The following UBOX5 variants were observed in gnomAD, a reference collection of about 807,000 sequenced individuals.
UBOX5 encodes the protein RING finger protein 37.
Under a neutral mutation model 39.0 loss-of-function variants are expected in UBOX5, and 28 were observed. The observed-to-expected ratio is 0.72, with a 90% CI of 0.53 to 0.98. The LOEUF (loss-of-function observed/expected upper bound fraction) is 0.98. Ranked by LOEUF, UBOX5 falls within the 50% of genes least tolerant of loss-of-function variation. The probability of loss-of-function intolerance (pLI) is 0.00; values close to 1 mark genes in which losing one functional copy is unlikely to be tolerated. For synonymous variants in UBOX5, 283 were observed against 275.5 expected (o/e 1.03, Z -0.27); for missense variants, 585 against 674.4 (o/e 0.87, Z 1.47).
At chr20:3,123,513 C>A (rs1231814216) in intron 1 of UBOX5, 107 bp from the exon 2 acceptor site, 3 of 719,286 alleles carry the variant, frequency 4.2e-6, no homozygotes, top group Non-Finnish European at 7.0e-6. Context: ...AAAACTTGAA[C>A]ACACACACTC....
intron 1 of UBOX5, among the ~76,000 whole-genome samples, chr20:3,157,043 G>T (rs371490512): frequency 6.6e-6 from 1 of 152,108 alleles, no homozygotes; most frequent in Admixed American, 6.5e-5. Context: ...GGCAGATCAC[G>T]TGAGGCCAGG....
At chr20:3,136,650 C>T (rs1267662804) in intron 1 of UBOX5, among the ~76,000 whole-genome samples, 7 of 151,040 alleles carry the variant, frequency 4.6e-5, no homozygotes, top group Non-Finnish European at 7.4e-5. Context: ...CCACTGTGCC[C>T]GGCCTTAATA....
At chr20:3,138,678 G>A (rs2066491067) in intron 1 of UBOX5, among the ~76,000 whole-genome samples, 1 of 152,204 alleles carries the variant, frequency 6.6e-6, no homozygotes, top group African/African-American at 2.4e-5. Context: ...ACTTGGAAGA[G>A]TTGGTTGCCC....
At chr20:3,112,919 T>C (rs559603606) in intron 4 of UBOX5, among the ~76,000 whole-genome samples, 2 of 151,654 alleles carry the variant, frequency 1.3e-5, no homozygotes, top group South Asian at 4.2e-4. Flanking sequence ...TGAGCCAGGA[T>C]TGTGCCACTG....
At position 3,159,843 on chromosome 20, in the gene UBOX5, C is replaced by A. The variant is rs553657959; in HGVS notation, c.-119G>T. 6.6e-6 allele frequency: 1 copy of A among 152,314 alleles called. No individual in the cohort carries two copies. Among genetic ancestry groups the A allele is most frequent in the African/African-American group, 2.4e-5 (1 of 41,474 alleles). The allele number at this position is 152,314 out of a possible 1,614,324, so 9.4% of individuals were successfully genotyped here. On this transcript the variant is annotated 5_prime_UTR_variant, in exon 1 of 5. Transcript: ENST00000217173. ...GGCGGCGACACAGATACTGGCTCCT[C>A]CGGCGACTCCGAGCCTCACAGCCCC...
At chr20:3,153,255 G>C (rs933123613) in intron 1 of UBOX5, among the ~76,000 whole-genome samples, 1 of 152,244 alleles carries the variant, frequency 6.6e-6, no homozygotes, top group Non-Finnish European at 1.5e-5. Context: ...GTTTGGTGCA[G>C]CTCCAGTGTT....
intron 1 of UBOX5, among the ~76,000 whole-genome samples, chr20:3,142,307 C>CA (rs999540285): frequency 4.2e-4 from 63 of 149,776 alleles, no homozygotes; most frequent in Non-Finnish European, 6.5e-4. Flanking sequence ...ACTAAAAATA[C>CA]AAAAAAAAAT....
At chr20:3,148,364 A>G in intron 1 of UBOX5, 11 of 1,614,148 alleles carry the variant, frequency 6.8e-6, no homozygotes, top group Non-Finnish European at 9.3e-6. Context: ...CATCTCCCAT[A>G]CCTGATGGCA....
At chr20:3,110,696 C>A in intron 4 of UBOX5, 1 of 276,936 alleles carries the variant, frequency 3.6e-6, no homozygotes, top group South Asian at 4.1e-5. Flanking sequence ...ATGTGAGAGG[C>A]GACAAGAGAA....
intron 1 of UBOX5, among the ~76,000 whole-genome samples, chr20:3,139,380 AATT>A (rs1467602248): frequency 1.4e-5 from 2 of 146,106 alleles, no homozygotes; most frequent in African/African-American, 5.2e-5. Flanking sequence ...CTTTATTTTT[AATT>A]TTTATTTATT....
At chr20:3,124,139 C>G (rs2066359057) in intron 1 of UBOX5, among the ~76,000 whole-genome samples, 3 of 152,150 alleles carry the variant, frequency 2.0e-5, no homozygotes, top group Admixed American at 6.5e-5. Flanking sequence ...TTCAAGGCTG[C>G]AGTGAGCTAT....
chr20:3,130,781 CTTT>C (rs563038445), intron 1 of UBOX5, among the ~76,000 whole-genome samples: 1 of 139,156 alleles, frequency 7.2e-6, no homozygotes, highest in Admixed American at 7.2e-5. Flanking sequence ...GTTGTTTTTG[CTTT>C]TTTTTTTTTT....
At chr20:3,111,109 G>A (rs2066250704) in intron 4 of UBOX5, among the ~76,000 whole-genome samples, 1 of 152,164 alleles carries the variant, frequency 6.6e-6, no homozygotes, top group Non-Finnish European at 1.5e-5. Context: ...ATCCTTGAAT[G>A]AGGGTCACAG....
intron 1 of UBOX5, among the ~76,000 whole-genome samples, chr20:3,134,501 T>C (rs1287774756): frequency 6.9e-6 from 1 of 144,382 alleles, no homozygotes; most frequent in Non-Finnish European, 1.5e-5. Context: ...GAGGTTGCAG[T>C]GAGCTAAGTT....
intron 1 of UBOX5, chr20:3,147,655 C>A (rs1228524723): frequency 6.2e-7 from 1 of 1,614,128 alleles, no homozygotes; most frequent in Non-Finnish European, 8.5e-7. Flanking sequence ...GGCAGGTGGG[C>A]AGGTGTTCTG....
intron 1 of UBOX5, chr20:3,150,774 C>T (rs1429837285): frequency 1.3e-5 from 2 of 152,234 alleles, no homozygotes; most frequent in Non-Finnish European, 2.9e-5. Flanking sequence ...CCCAGCTACA[C>T]AGGCTTCTCT....
intron 1 of UBOX5, among the ~76,000 whole-genome samples, chr20:3,159,126 G>C (rs1366133460): frequency 6.6e-6 from 1 of 152,152 alleles, no homozygotes; most frequent in Non-Finnish European, 1.5e-5. Context: ...GAAAGAGAAA[G>C]AGCAACTATT....
At position 3,149,326 on chromosome 20, in the gene UBOX5, T is replaced by G; in HGVS notation, c.-42+10440A>C. ...TAAAAGCATCCAAATTTACACATTATAAAAAACAGGTTGAAACTACACTGC... is the reference window on the plus strand; with the variant it reads ...TAAAAGCATCCAAATTTACACATTAGAAAAAACAGGTTGAAACTACACTGC... On this transcript the variant is annotated intron_variant, in intron 1 of 4. Transcript: ENST00000217173. The surrounding 1 kb of genome is among the most constrained non-coding windows in gnomAD (Gnocchi z 4.1). 2.1e-6 allele frequency: 1 copy of G among 482,142 alleles called. No individual in the cohort carries two copies. The highest frequency in any genetic ancestry group is 3.7e-6 in the Non-Finnish European group (1 of 271,276). 29.9% of individuals were successfully genotyped at this position (482,142 alleles called of 1,614,324 possible). A position where few individuals can be genotyped will look rare whatever the true frequency, so the allele number is the denominator to read the frequency against.
rs766337073 is a variant in UBOX5 at position 3,122,104 on chromosome 20, G to T, written c.535C>A (p.His179Asn). 5.0e-6 allele frequency: 8 copies of T among 1,614,248 alleles called. No homozygotes were observed. The South Asian group carries it at 8.8e-5, about 18-fold the overall frequency. Residue 179 changes from histidine (H) to asparagine (N), a missense_variant, in exon 3 of 5, where the codon CAT (histidine) becomes AAT (asparagine). Coordinates refer to ENST00000217173, the MANE Select transcript of UBOX5 (RefSeq NM_014948.4). ...CAAGGGATACCGCCGCCTGTCACAT[G>T]GGTGATACAGATCCTTAAGTGGGCC... The part of the protein sequence containing the change: ...HVAHLRICIT[H>N]VTGGGIPCIK...
Sources: gnomAD v4.1 joint callset for allele counts (sites outside exome capture counted in the v4.1 genomes callset) on GRCh38, gnomAD v4.1.1 for gene constraint, Gnocchi (gnomAD v3.1) non-coding constraint, MANE v1.5 for transcripts, NCBI Gene and HGNC (gene_info 2026-07-23, HGNC 2026-07-21) for gene names.